OCA2: variants seen among roughly 807,000 people sequenced by gnomAD.
OCA2 encodes P protein.
Under a neutral mutation model 100.2 loss-of-function variants are expected in OCA2, and 77 were observed. The ratio of observed to expected loss-of-function variants is 0.77; its 90% CI spans 0.64 to 0.93. The LOEUF (loss-of-function observed/expected upper bound fraction) is 0.93. Ranked by LOEUF, OCA2 falls within the 40% of genes least tolerant of loss-of-function variation. OCA2 has a pLI of 0.00. For missense variants in OCA2, 1,062 were observed against 1,089.1 expected (o/e 0.98, Z 0.35); for synonymous variants, 432 against 439.2 (o/e 0.98, Z 0.21).
At chr15:27,731,463 C>T in the OCA2 span, among the ~76,000 whole-genome samples, 1 of 152,006 alleles carries the variant, frequency 6.6e-6, no homozygotes, top group Non-Finnish European at 1.5e-5. Context: ...GTAGAGATTT[C>T]TCATATGTGG....
intron 19 of OCA2, among the ~76,000 whole-genome samples, chr15:27,913,895 G>GAAAGAAAGAAAGAAAGAA (rs1567098505): frequency 5.1e-5 from 2 of 38,996 alleles, no homozygotes; most frequent in African/African-American, 2.0e-4. Flanking sequence ...AAGAAAGAAA[G>GAAAGAAAGAAAGAAAGAA]CAAGCAAGCA....
At chr15:27,830,996 A>G (rs2034926827) in intron 23 of OCA2, among the ~76,000 whole-genome samples, 2 of 152,192 alleles carry the variant, frequency 1.3e-5, no homozygotes, top group African/African-American at 4.8e-5. Context: ...GTATAGATAT[A>G]AAAATGCAAT....
chr15:27,805,231 ACT>A (rs2033784427), intron 23 of OCA2, among the ~76,000 whole-genome samples: 3 of 152,104 alleles, frequency 2.0e-5, no homozygotes, highest in Admixed American at 2.0e-4. Context: ...TTGATGGGAG[ACT>A]CCATGTGATG....
At chr15:28,025,048 T>C in intron 4 of OCA2, 146 bp from the exon 5 acceptor site, 1 of 776,504 alleles carries the variant, frequency 1.3e-6, no homozygotes, top group Non-Finnish European at 2.3e-6. Flanking sequence ...GAGAACACCC[T>C]CATATCAGTG....
intron 21 of OCA2, among the ~76,000 whole-genome samples, chr15:27,857,765 G>C (rs1306293843): frequency 1.3e-5 from 2 of 151,966 alleles, no homozygotes; most frequent in African/African-American, 4.8e-5. Context: ...AAAGAGACAG[G>C]AAAAATATTT....
At chr15:27,811,986 T>G (rs1252026396) in intron 23 of OCA2, among the ~76,000 whole-genome samples, 1 of 152,232 alleles carries the variant, frequency 6.6e-6, no homozygotes, top group East Asian at 1.9e-4. Flanking sequence ...CACTTTATTT[T>G]TATTTCAAAC....
chr15:27,974,440 A>G (rs1419189367), intron 14 of OCA2, among the ~76,000 whole-genome samples: 1 of 152,222 alleles, frequency 6.6e-6, no homozygotes, highest in Non-Finnish European at 1.5e-5. Context: ...CATACAGAGA[A>G]GTATTTCCTT....
intron 18 of OCA2, among the ~76,000 whole-genome samples, chr15:27,933,017 G>A (rs1051572207): frequency 5.9e-5 from 9 of 151,838 alleles, no homozygotes; most frequent in African/African-American, 1.5e-4. Flanking sequence ...ATAGAGCCCC[G>A]AAATAAACAC....
intron 23 of OCA2, among the ~76,000 whole-genome samples, chr15:27,806,600 C>T (rs960635169): frequency 2.0e-5 from 3 of 152,240 alleles, no homozygotes; most frequent in African/African-American, 7.2e-5. Flanking sequence ...CTTGGCTTCC[C>T]GCCGTCCGCT....
chr15:27,973,884 T>G (rs905485964), intron 14 of OCA2, among the ~76,000 whole-genome samples: 13 of 152,212 alleles, frequency 8.5e-5, no homozygotes, highest in African/African-American at 3.1e-4. Flanking sequence ...AGCTCTCCTT[T>G]TAGACATCTT....
At chr15:27,739,597 C>A in the OCA2 span, among the ~76,000 whole-genome samples, 1 of 151,908 alleles carries the variant, frequency 6.6e-6, no homozygotes, top group Non-Finnish European at 1.5e-5. Context: ...AGGCGCCCAC[C>A]ACCATGCCTG....
intron 1 of OCA2, among the ~76,000 whole-genome samples, chr15:28,082,889 G>A (rs2044696318): frequency 6.6e-6 from 1 of 152,068 alleles, no homozygotes; most frequent in Non-Finnish European, 1.5e-5. Flanking sequence ...CTAAAGTAAT[G>A]CTGTCCTACT....
At chr15:27,981,661 C>T (rs920802277) in intron 14 of OCA2, among the ~76,000 whole-genome samples, 1 of 152,208 alleles carries the variant, frequency 6.6e-6, no homozygotes, top group African/African-American at 2.4e-5. Flanking sequence ...ATTACTATTC[C>T]TGTCGTGTGC....
At chr15:27,896,474 TA>T (rs2037693774) in intron 19 of OCA2, 2 of 601,068 alleles carry the variant, frequency 3.3e-6, no homozygotes, top group Admixed American at 4.7e-5. Flanking sequence ...AGAAAAAAGT[TA>T]AAAAGAAGTG....
intron 19 of OCA2, among the ~76,000 whole-genome samples, chr15:27,902,507 G>T (rs1199824869): frequency 2.6e-5 from 4 of 152,166 alleles, no homozygotes; most frequent in African/African-American, 4.8e-5. Flanking sequence ...GGTTGTTTCA[G>T]TTAACTTAAA....
intron 21 of OCA2, among the ~76,000 whole-genome samples, chr15:27,867,098 G>A (rs1395390591): frequency 1.3e-5 from 2 of 152,236 alleles, no homozygotes; most frequent in Admixed American, 1.3e-4. Context: ...CAAGAACTAT[G>A]TACTATCCCT....
chr15:27,928,767 C>T (rs2039138782), intron 18 of OCA2, among the ~76,000 whole-genome samples: 1 of 152,216 alleles, frequency 6.6e-6, no homozygotes, highest in Non-Finnish European at 1.5e-5. Context: ...TCTCCTGCCT[C>T]TTCTTCTGTC....
At chr15:27,725,143 C>T in the OCA2 span, among the ~76,000 whole-genome samples, 18 of 152,264 alleles carry the variant, frequency 1.2e-4, no homozygotes, top group Admixed American at 3.9e-4. Flanking sequence ...AGAGGAGCAC[C>T]GCGGAAGGTG....
chr15:28,064,261 C>G (rs2043958886), intron 2 of OCA2, among the ~76,000 whole-genome samples: 1 of 152,082 alleles, frequency 6.6e-6, no homozygotes, highest in African/African-American at 2.4e-5. Flanking sequence ...CTATAAGTCT[C>G]TTTAAGTTTA....
Sources: gnomAD v4.1 joint callset for allele counts (sites outside exome capture counted in the v4.1 genomes callset) on GRCh38, gnomAD v4.1.1 for gene constraint, MANE v1.5 for transcripts, NCBI Gene and HGNC (gene_info 2026-07-23, HGNC 2026-07-21) for gene names.